Variants in SH2D1A observed in about 807,000 individuals in gnomAD.
SH2D1A encodes the protein SH2 domain-containing protein 1A.
SH2D1A carries 6 observed loss-of-function variants against 10.1 expected under a neutral mutation model. That is an observed-to-expected ratio of 0.60 (90% CI 0.33 to 1.18). The LOEUF (loss-of-function observed/expected upper bound fraction) is 1.18. SH2D1A is among the 50% of genes most tolerant of loss of function. SH2D1A has a pLI of 0.04. For synonymous variants in SH2D1A, 42 were observed against 36.9 expected (o/e 1.14, Z -0.51); for missense variants, 51 against 97.6 (o/e 0.52, Z 2.01).
chrX:124,351,014 T>TTATATATTATTATAAATATATATATTTTA lies in SH2D1A; in HGVS notation c.137+4259_137+4287dup, dbSNP rs1569527269. Among the ~76,000 whole-genome samples the TTATATATTATTATAAATATATATATTTTA allele has an allele frequency of 1.2e-3, 109 of 88,121 alleles. 2 individuals carry two copies. The highest frequency in any genetic ancestry group is 3.1e-3 in the African/African-American group (73 of 23,535). The allele number at this position is 88,121 out of a possible 115,157, so 76.5% of individuals were successfully genotyped here. On this transcript the variant is annotated intron_variant, in intron 1 of 3. Transcript: ENST00000371139. ...ATATATATTATAAATATGTATATTT[T>TTATATATTATTATAAATATATATATTTTA]TATATATTATTATAAATATATATAT...
chrX:124,351,451 A>C (rs1192823517), intron 1 of SH2D1A, among the ~76,000 whole-genome samples: 1 of 110,492 alleles, frequency 9.1e-6, no homozygotes, highest in African/African-American at 3.3e-5. Context: ...GTCAGAAAAC[A>C]TAAACAGCTT....
At chrX:124,364,362 G>A (rs761609230) in intron 1 of SH2D1A, 42 of 254,254 alleles carry the variant, frequency 1.7e-4, no homozygotes, top group African/African-American at 1.2e-3. Context: ...TATGGAATAA[G>A]GATATAAAGA....
intron 1 of SH2D1A, among the ~76,000 whole-genome samples, chrX:124,356,611 CA>C: frequency 9.0e-6 from 1 of 111,124 alleles, no homozygotes; most frequent in Non-Finnish European, 1.9e-5. Context: ...CCACACCCAG[CA>C]GTTTTTTGTT....
chrX:124,365,971 T>C, intron 2 of SH2D1A, 147 bp downstream of exon 2: 1 of 454,558 alleles, frequency 2.2e-6, no homozygotes, highest in South Asian at 3.5e-5. Context: ...TCATGGATCA[T>C]TAAGAAAGCT....
chrX:124,352,692 A>G (rs2060017998), intron 1 of SH2D1A, among the ~76,000 whole-genome samples: 1 of 111,960 alleles, frequency 8.9e-6, no homozygotes, highest in Non-Finnish European at 1.9e-5. Flanking sequence ...GGACTCTTCT[A>G]TATCTTGGCT....
At chrX:124,359,866 C>G (rs1358568101) in intron 1 of SH2D1A, among the ~76,000 whole-genome samples, 1 of 111,056 alleles carries the variant, frequency 9.0e-6, no homozygotes, top group Non-Finnish European at 1.9e-5. Flanking sequence ...TTTGTTTTGG[C>G]CCTTTAGGTA....
chrX:124,350,993 A>AT (rs199939774), intron 1 of SH2D1A, among the ~76,000 whole-genome samples: 48,380 of 78,644 alleles, frequency 0.62, 13,266 homozygotes, highest in African/African-American at 0.89. Flanking sequence ...TATTATATAT[A>AT]TATTATAAAT....
intron 1 of SH2D1A, among the ~76,000 whole-genome samples, chrX:124,359,276 C>T (rs1227912996): frequency 8.9e-6 from 1 of 111,846 alleles, no homozygotes; most frequent in East Asian, 2.8e-4. Context: ...GACTCATTTA[C>T]TTTGACTAAA....
At position 124,372,922 on chromosome X, in the gene SH2D1A, A is replaced by T. The variant is rs1217480603; in HGVS notation, c.*1531A>T. 1.4e-4 allele frequency: 22 copies of T among 156,465 alleles called. No homozygotes were observed. The highest frequency in any genetic ancestry group is 3.7e-5 in the Non-Finnish European group (3 of 80,385). The allele number at this position is 156,465 out of a possible 1,213,427, so 12.9% of individuals were successfully genotyped here. ...ACATGAACTTGTAAAGGAATTTAAAAATCCTACTTTCATAATAAGTTGCAT... is the reference window on the plus strand; with the variant it reads ...ACATGAACTTGTAAAGGAATTTAAATATCCTACTTTCATAATAAGTTGCAT... On this transcript the variant is annotated 3_prime_UTR_variant, in exon 4 of 4. Transcript: ENST00000371139.
At chrX:124,364,506 G>A (rs886276524) in intron 1 of SH2D1A, 5 of 179,682 alleles carry the variant, frequency 2.8e-5, no homozygotes, top group South Asian at 5.7e-5. Flanking sequence ...TTATTGAAGC[G>A]ATACAGTTTT....
At position 124,365,053 on chromosome X, in the gene SH2D1A, G is replaced by T. The variant is rs192011832; in HGVS notation, c.138-708G>T. Among the ~76,000 whole-genome samples the T allele has an allele frequency of 9.9e-4, 110 of 111,029 alleles. 1 individual carries two copies. Among genetic ancestry groups the T allele is most frequent in the Middle Eastern group, 9.3e-3 (2 of 216 alleles). Reference sequence around the variant, plus strand: ...ATTCTGTACAGTAACATGCTGTACAGGTTTGTAGCCTGGAGTAATAGGCTA... The same window carrying T: ...ATTCTGTACAGTAACATGCTGTACATGTTTGTAGCCTGGAGTAATAGGCTA... On this transcript the variant is annotated intron_variant, in intron 1 of 3. Transcript: ENST00000371139.
chrX:124,364,358 A>G (rs141359753), intron 1 of SH2D1A: 402 of 249,288 alleles, frequency 1.6e-3, no homozygotes, highest in Non-Finnish European at 2.7e-3. Context: ...AGCTTATGGA[A>G]TAAGGATATA....
intron 1 of SH2D1A, among the ~76,000 whole-genome samples, chrX:124,347,721 G>A (rs919530652): frequency 1.8e-5 from 2 of 111,262 alleles, no homozygotes; most frequent in South Asian, 7.6e-4. Context: ...AATTAGCACT[G>A]GGGCCTGACA....
At position 124,370,207 on chromosome X, in the gene SH2D1A, G is replaced by C; in HGVS notation, c.233G>C (p.Arg78Pro). Reference sequence around the variant, plus strand: ...CCTGGGGTACATAAAAGATATTTCCGGAAAATAAAAAATCTCATTTCAGCA... The same window carrying C: ...CCTGGGGTACATAAAAGATATTTCCCGAAAATAAAAAATCTCATTTCAGCA... ...TAPGVHKRYF[R>P]KIKNLISAFQ... Residue 78 changes from arginine to proline, a missense_variant, in exon 3 of 4, where the codon CGG becomes CCG. Physicochemically the swap from Arg to Pro is moderately radical, Grantham distance 103. Coordinates refer to ENST00000371139, the MANE Select transcript of SH2D1A (RefSeq NM_002351.5). The C allele has an allele frequency of 8.3e-7, 1 of 1,203,905 alleles. No individual in the cohort carries two copies. The highest frequency in any genetic ancestry group is 1.1e-6 in the Non-Finnish European group (1 of 888,821).
chrX:124,360,188 G>A (rs2060036708), intron 1 of SH2D1A, among the ~76,000 whole-genome samples: 2 of 111,042 alleles, frequency 1.8e-5, no homozygotes, highest in Middle Eastern at 9.4e-3. Context: ...TTACAGGCGT[G>A]AGCCTAATTT....
At chrX:124,351,133 T>C (rs1369180950) in intron 1 of SH2D1A, among the ~76,000 whole-genome samples, 2 of 98,408 alleles carry the variant, frequency 2.0e-5, no homozygotes, top group Non-Finnish European at 4.0e-5. Flanking sequence ...GTGTTAAAAA[T>C]ATGATTGTGT....
chrX:124,366,544 T>C (rs943286085), intron 2 of SH2D1A, among the ~76,000 whole-genome samples: 1 of 111,554 alleles, frequency 9.0e-6, no homozygotes, highest in Non-Finnish European at 1.9e-5. Context: ...AATAACTCAA[T>C]CTGTGCATTT....
At chrX:124,371,205 G>A in intron 3 of SH2D1A, 146 bp from the exon 4 acceptor site, 1 of 418,466 alleles carries the variant, frequency 2.4e-6, no homozygotes, top group Non-Finnish European at 4.2e-6. Context: ...TTATAACTCA[G>A]TTTTAAATAA....
chrX:124,347,364 G>C (rs2147519871), intron 1 of SH2D1A, among the ~76,000 whole-genome samples: 1 of 110,759 alleles, frequency 9.0e-6, no homozygotes, highest in African/African-American at 3.3e-5. Flanking sequence ...TGGGGGGTGG[G>C]GAGGGGCAGG....
Sources: gnomAD v4.1 joint callset for allele counts (sites outside exome capture counted in the v4.1 genomes callset) on GRCh38, gnomAD v4.1.1 for gene constraint, MANE v1.5 for transcripts, NCBI Gene and HGNC (gene_info 2026-07-23, HGNC 2026-07-21) for gene names.